Variants in LCP2 observed in about 807,000 individuals in gnomAD.
LCP2 encodes the protein lymphocyte cytosolic protein 2, also known as 76 kDa tyrosine phosphoprotein.
A neutral mutation model predicts 74.5 loss-of-function variants in LCP2; 29 were observed. That is an observed-to-expected ratio of 0.39 (90% CI 0.29 to 0.53). LCP2 has a LOEUF of 0.53. LCP2 is among the 20% of genes least tolerant of loss of function. LCP2 has a pLI of 0.72. For missense variants in LCP2, 604 were observed against 634.6 expected (o/e 0.95, Z 0.52); for synonymous variants, 228 against 229.5 (o/e 0.99, Z 0.06).
In LCP2 at chr5:170,272,597, CTTTTTTTTTTTT is replaced by C. The variant is rs61463939; in HGVS notation, c.324+1692_325-1681del. ...ATAACTGTAACCCATCAAATATTTT[CTTTTTTTTTTTT>C]TTTTTTTTTTTTTTTTTTTGAGATG... On this transcript the variant is annotated intron_variant, in intron 6 of 20. Coordinates refer to ENST00000046794, the MANE Select transcript of LCP2 (RefSeq NM_005565.5). Among the ~76,000 whole-genome samples, 25 of 40,354 alleles carry C rather than the reference CTTTTTTTTTTTT, an allele frequency of 6.2e-4. No homozygotes were observed. The South Asian group carries it at 7.1e-3, about 12-fold the overall frequency. 26.5% of individuals were successfully genotyped at this position (40,354 alleles called of 152,430 possible). A position where few individuals can be genotyped will look rare whatever the true frequency, so the allele number is the denominator to read the frequency against.
chr5:170,262,626 G>A lies in LCP2; in HGVS notation c.926+9C>T. The A allele has an allele frequency of 6.3e-7, 1 of 1,599,852 alleles. No individual in the cohort carries two copies. The highest frequency in any genetic ancestry group is 1.7e-5 in the Admixed American group (1 of 59,388). ...TGAGTGACAAGCTCAAGCAACACCA[G>A]ACAATTACTTTGGCACAGGTGGCTT... On this transcript the variant is annotated intron_variant, in intron 13 of 20. Transcript: ENST00000046794.
At chr5:170,279,446 T>A (rs1762065089) in intron 3 of LCP2, among the ~76,000 whole-genome samples, 1 of 152,168 alleles carries the variant, frequency 6.6e-6, no homozygotes, top group African/African-American at 2.4e-5. Context: ...GCAGCTGCCC[T>A]CACTTGGCCC....
intron 10 of LCP2, 98 bp downstream of exon 10, chr5:170,266,710 G>C: frequency 9.9e-7 from 1 of 1,012,262 alleles, no homozygotes; most frequent in Non-Finnish European, 1.6e-6. Flanking sequence ...TAGTATTGTG[G>C]CCATAGTTAA....
chr5:170,250,686 A>T, intron 20 of LCP2, 44 bp downstream of exon 20: 4 of 1,542,576 alleles, frequency 2.6e-6, no homozygotes, highest in Non-Finnish European at 3.6e-6. Flanking sequence ...GCAGAGTGGC[A>T]TAAATAAAGA....
At chr5:170,260,827 G>A (rs1416997948) in intron 14 of LCP2, among the ~76,000 whole-genome samples, 1 of 152,064 alleles carries the variant, frequency 6.6e-6, no homozygotes, top group Non-Finnish European at 1.5e-5. Context: ...TTTTCTCCTT[G>A]TGCCCTGTAA....
At chr5:170,250,009 C>T (rs575843197) in intron 20 of LCP2, among the ~76,000 whole-genome samples, 1 of 152,186 alleles carries the variant, frequency 6.6e-6, no homozygotes, top group South Asian at 2.1e-4. Flanking sequence ...CATTTTTTTT[C>T]TATTCATTAA....
Position 170,293,101 on chromosome 5 carries a change from C to T in LCP2, c.141+209G>A, listed in dbSNP as rs374200031. ...TTATTTGTTTACTATACTTGGATTC[C>T]TCCTTAAGGTGTAAGTGGAAGATCA... is the stretch of plus-strand genomic sequence containing the variant. On this transcript the variant is annotated intron_variant, in intron 2 of 20. Transcript: ENST00000046794. 5.2e-4 allele frequency among the ~76,000 whole-genome samples: 79 copies of T among 152,266 alleles called. 1 individual carries two copies. The South Asian group carries it at 0.015, about 30-fold the overall frequency.
At chr5:170,266,009 C>T (rs542484621) in intron 10 of LCP2, among the ~76,000 whole-genome samples, 1 of 152,224 alleles carries the variant, frequency 6.6e-6, no homozygotes, top group Middle Eastern at 3.4e-3. Flanking sequence ...CTTCTTTGAC[C>T]CTTAATTTTA....
intron 3 of LCP2, among the ~76,000 whole-genome samples, chr5:170,285,309 G>A (rs1762166207): frequency 6.6e-6 from 1 of 151,958 alleles, no homozygotes; most frequent in South Asian, 2.1e-4. Context: ...CATTCTCCTT[G>A]TCTGCTAATT....
chr5:170,275,206 A>G, intron 5 of LCP2, 114 bp downstream of exon 5: 1 of 1,128,904 alleles, frequency 8.9e-7, no homozygotes, highest in Middle Eastern at 2.0e-4. Flanking sequence ...GCTGACAGAC[A>G]AGTCAGTAAG....
Position 170,297,691 on chromosome 5 carries a change from G to T in LCP2, c.-80C>A. ...GCAGAGAAGCTCAAATCCAGAGCTC[G>T]GAGGCGTTCTTGGCTCTTCCAACTC... On this transcript the variant is annotated 5_prime_UTR_variant, in exon 1 of 21. Transcript: ENST00000046794. 1 of 1,274,646 alleles carries T rather than the reference G, an allele frequency of 7.8e-7. No individual in the cohort carries two copies. Among genetic ancestry groups the T allele is most frequent in the Non-Finnish European group, 1.1e-6 (1 of 912,668 alleles). 79.0% of individuals were successfully genotyped at this position (1,274,646 alleles called of 1,614,324 possible).
chr5:170,253,589 TATC>T (rs755944397), intron 17 of LCP2, among the ~76,000 whole-genome samples: 10 of 152,236 alleles, frequency 6.6e-5, no homozygotes, highest in South Asian at 2.1e-4. Context: ...ATTCTTATAA[TATC>T]ATCATAGGCA....
intron 6 of LCP2, among the ~76,000 whole-genome samples, chr5:170,271,420 A>C (rs980226684): frequency 2.0e-5 from 3 of 152,194 alleles, no homozygotes; most frequent in Admixed American, 1.3e-4. Flanking sequence ...AAGCCTGTTA[A>C]GTGGAAGGCA....
intron 2 of LCP2, among the ~76,000 whole-genome samples, chr5:170,288,823 C>T (rs1009416401): frequency 3.9e-5 from 6 of 152,250 alleles, no homozygotes; most frequent in South Asian, 2.1e-4. Context: ...ATCCTTTTGA[C>T]GGCCCCTGTG....
Sources: gnomAD v4.1 joint callset for allele counts (sites outside exome capture counted in the v4.1 genomes callset) on GRCh38, gnomAD v4.1.1 for gene constraint, MANE v1.5 for transcripts, NCBI Gene and HGNC (gene_info 2026-07-23, HGNC 2026-07-21) for gene names.